ADAMTSL3: variants seen among roughly 807,000 people sequenced by gnomAD.
ADAMTSL3 encodes the protein ADAMTS-like protein 3.
Under a neutral mutation model 201.7 loss-of-function variants are expected in ADAMTSL3, and 128 were observed. The observed-to-expected ratio is 0.63, with a 90% CI of 0.55 to 0.73. The LOEUF is 0.73. Ranked by LOEUF, ADAMTSL3 falls within the 30% of genes least tolerant of loss-of-function variation. The pLI is 0.00. For missense variants in ADAMTSL3, 1,990 were observed against 2,119.6 expected (o/e 0.94, Z 1.20); for synonymous variants, 738 against 748.4 (o/e 0.99, Z 0.23).
chr15:83,675,274 C>G (rs1311689809), intron 2 of ADAMTSL3, among the ~76,000 whole-genome samples: 1 of 152,000 alleles, frequency 6.6e-6, no homozygotes, highest in African/African-American at 2.4e-5. Context: ...AAGTTTCTCT[C>G]CCTAATCCAT....
intron 23 of ADAMTSL3, among the ~76,000 whole-genome samples, chr15:84,002,311 C>G (rs1030752765): frequency 6.6e-6 from 1 of 152,150 alleles, no homozygotes; most frequent in African/African-American, 2.4e-5. Context: ...GTCGCCATGT[C>G]TTGAAGCATT....
At chr15:83,674,370 A>T (rs926639202) in intron 2 of ADAMTSL3, among the ~76,000 whole-genome samples, 2 of 151,980 alleles carry the variant, frequency 1.3e-5, no homozygotes, top group African/African-American at 4.8e-5. Flanking sequence ...TTTCTTGAAA[A>T]GACATTCATC....
intron 6 of ADAMTSL3, among the ~76,000 whole-genome samples, chr15:83,828,978 T>C (rs970875211): frequency 1.3e-5 from 2 of 150,124 alleles, no homozygotes; most frequent in African/African-American, 4.8e-5. Context: ...GATATTGGTC[T>C]AAAATTCTCT....
chr15:83,667,885 CAA>C (rs1199686031), intron 2 of ADAMTSL3, among the ~76,000 whole-genome samples: 4 of 152,028 alleles, frequency 2.6e-5, no homozygotes, highest in African/African-American at 4.8e-5. Context: ...CTTTCCATAA[CAA>C]AGAGACTGTA....
At chr15:83,891,780 A>C (rs1457442053) in intron 12 of ADAMTSL3, among the ~76,000 whole-genome samples, 2 of 152,224 alleles carry the variant, frequency 1.3e-5, no homozygotes, top group East Asian at 3.8e-4. Flanking sequence ...AGATGCAGCC[A>C]CACTGTATGT....
At position 83,982,814 on chromosome 15, in the gene ADAMTSL3, C is replaced by G; in HGVS notation, c.3186C>G (p.His1062Gln). 6.2e-7 allele frequency: 1 copy of G among 1,614,124 alleles called. No homozygotes were observed. The highest frequency in any genetic ancestry group is 8.5e-7 in the Non-Finnish European group (1 of 1,180,036). The change falls in exon 21 of 30, where the codon CAC becomes CAG. Residue 1062 changes from histidine (H) to glutamine (Q), a missense_variant. Transcript: ENST00000286744. Reference sequence around the variant, plus strand: ...CTTTCTTGAGAGCTCTGTTAGGCCACTGCAGCAATTCTGCAGGAAGCACCA... The same window carrying G: ...CTTTCTTGAGAGCTCTGTTAGGCCAGTGCAGCAATTCTGCAGGAAGCACCA... ...NQPFLRALLG[H>Q]CSNSAGSTNS... is the part of the protein sequence containing the mutation.
At chr15:84,021,699 C>T in intron 26 of ADAMTSL3, 106 bp downstream of exon 26, 2 of 1,229,744 alleles carry the variant, frequency 1.6e-6, no homozygotes, top group East Asian at 2.5e-5. Flanking sequence ...TTTTTTATCA[C>T]TTACTGTATA....
chr15:83,806,864 C>T (rs2063610052), intron 5 of ADAMTSL3, among the ~76,000 whole-genome samples: 1 of 151,398 alleles, frequency 6.6e-6, no homozygotes, highest in Non-Finnish European at 1.5e-5. Context: ...AACAAGCAAG[C>T]AAAAAACAAA....
intron 7 of ADAMTSL3, among the ~76,000 whole-genome samples, chr15:83,850,949 T>G (rs909811394): frequency 6.6e-6 from 1 of 152,188 alleles, no homozygotes; most frequent in Non-Finnish European, 1.5e-5. Flanking sequence ...CTCTATATCC[T>G]GCGCCCGTGC....
At chr15:83,804,727 T>C in intron 5 of ADAMTSL3, 32 bp downstream of exon 5, 1 of 1,506,958 alleles carries the variant, frequency 6.6e-7, no homozygotes. Flanking sequence ...TTTTATCCAA[T>C]ACAATATGTG....
chr15:83,688,747 CATATAT>C (rs111314211), intron 2 of ADAMTSL3, among the ~76,000 whole-genome samples: 8 of 62,858 alleles, frequency 1.3e-4, no homozygotes, highest in African/African-American at 3.3e-4. Flanking sequence ...TATACACATG[CATATAT>C]ATACACACAC....
intron 23 of ADAMTSL3, among the ~76,000 whole-genome samples, chr15:84,000,411 T>G (rs2067771527): frequency 6.6e-6 from 1 of 152,162 alleles, no homozygotes. Context: ...TACAGAAATC[T>G]TCCCACTATC....
At chr15:83,952,234 T>C (rs117900217) in intron 19 of ADAMTSL3, among the ~76,000 whole-genome samples, 201 of 152,254 alleles carry the variant, frequency 1.3e-3, no homozygotes, top group Middle Eastern at 6.8e-3. Flanking sequence ...CAGGAGCATA[T>C]TGTTTAAATT....
chr15:83,748,262 G>C (rs2062580149), intron 3 of ADAMTSL3, among the ~76,000 whole-genome samples: 2 of 152,172 alleles, frequency 1.3e-5, no homozygotes, highest in African/African-American at 4.8e-5. Flanking sequence ...TGGATCGTCA[G>C]TTCAAGATTG....
At chr15:83,702,894 C>A (rs2061795864) in intron 2 of ADAMTSL3, among the ~76,000 whole-genome samples, 1 of 152,132 alleles carries the variant, frequency 6.6e-6, no homozygotes, top group South Asian at 2.1e-4. Context: ...AATGGTAGAT[C>A]CACTGACAGC....
At chr15:84,007,571 T>A (rs920587532) in intron 23 of ADAMTSL3, among the ~76,000 whole-genome samples, 3 of 151,998 alleles carry the variant, frequency 2.0e-5, no homozygotes, top group African/African-American at 7.2e-5. Flanking sequence ...AAAATAAAAA[T>A]CCATCTCTCT....
At chr15:83,788,033 G>A (rs1189320494) in intron 4 of ADAMTSL3, among the ~76,000 whole-genome samples, 1 of 152,012 alleles carries the variant, frequency 6.6e-6, no homozygotes, top group Non-Finnish European at 1.5e-5. Context: ...ACTATTCACA[G>A]CTATGTCATG....
intron 10 of ADAMTSL3, among the ~76,000 whole-genome samples, chr15:83,888,072 C>G (rs1334996967): frequency 1.3e-5 from 2 of 152,292 alleles, no homozygotes; most frequent in East Asian, 3.9e-4. Flanking sequence ...GTTTCTCCTA[C>G]TTGGGTGCCC....
At chr15:84,021,621 T>A (rs1283778964) in intron 26 of ADAMTSL3, 28 bp downstream of exon 26, 6 of 1,602,344 alleles carry the variant, frequency 3.7e-6, no homozygotes, top group East Asian at 2.2e-5. Flanking sequence ...TTGTATCTCA[T>A]CAACACCAAG....
Sources: gnomAD v4.1 joint callset for allele counts (sites outside exome capture counted in the v4.1 genomes callset) on GRCh38, gnomAD v4.1.1 for gene constraint, MANE v1.5 for transcripts, NCBI Gene and HGNC (gene_info 2026-07-23, HGNC 2026-07-21) for gene names.